The following TRPM3 variants were observed in gnomAD, a reference collection of about 807,000 sequenced individuals.
The protein encoded by TRPM3 is transient receptor potential cation channel subfamily M member 3.
Under a neutral mutation model 181.2 loss-of-function variants are expected in TRPM3, and 77 were observed. That is an observed-to-expected ratio of 0.42 (90% CI 0.35 to 0.51). TRPM3 has a LOEUF of 0.51. Ranked by LOEUF, TRPM3 falls within the 20% of genes least tolerant of loss-of-function variation. The probability of loss-of-function intolerance (pLI) is 0.01; values close to 1 mark genes in which losing one functional copy is unlikely to be tolerated. For synonymous variants in TRPM3, 745 were observed against 796.4 expected, an observed-to-expected ratio of 0.94 and a Z score of 1.09; for missense variants, 1,759 against 2,196.7, an observed-to-expected ratio of 0.80 and a Z score of 3.98.
intron 1 of TRPM3, among the ~76,000 whole-genome samples, chr9:71,009,526 A>C (rs1394739249): frequency 3.3e-5 from 5 of 152,192 alleles, no homozygotes; most frequent in Non-Finnish European, 1.5e-5. Flanking sequence ...TAAACAACCA[A>C]GGAGGTGAAA....
chr9:71,183,116 T>C (rs1256480599), intron 1 of TRPM3, among the ~76,000 whole-genome samples: 4 of 152,142 alleles, frequency 2.6e-5, no homozygotes, highest in African/African-American at 7.2e-5. Context: ...TTTTTGTATA[T>C]AGAAGAATGT....
intron 1 of TRPM3, among the ~76,000 whole-genome samples, chr9:71,420,110 A>C (rs1399177547): frequency 6.6e-6 from 1 of 151,954 alleles, no homozygotes; most frequent in East Asian, 1.9e-4. Context: ...AACCTTCTTA[A>C]ACATTAGCTA....
rs547192422 is a variant in TRPM3 at position 71,002,525 on chromosome 9, T to C, written c.177+118653A>G. Among the ~76,000 whole-genome samples the C allele has an allele frequency of 6.6e-5, 10 of 152,310 alleles. No individual in the cohort carries two copies. In the East Asian group the frequency reaches 1.5e-3, roughly 24 times the overall value. On this transcript the variant is annotated intron_variant, in intron 1 of 25. Coordinates refer to ENST00000677713, the MANE Select transcript of TRPM3 (RefSeq NM_001366145.2). Reference sequence around the variant, plus strand: ...TGTTCCTAAAACTTCATCCAGTATATTGATCATTTTTATCCTTTGACTCTT... The same window carrying C: ...TGTTCCTAAAACTTCATCCAGTATACTGATCATTTTTATCCTTTGACTCTT...
chr9:71,116,978 C>T (rs1488346253), intron 1 of TRPM3, among the ~76,000 whole-genome samples: 1 of 152,176 alleles, frequency 6.6e-6, no homozygotes, highest in South Asian at 2.1e-4. Flanking sequence ...CCTTTCTAGC[C>T]CGGGAAAGAG....
At chr9:70,679,687 T>C (rs920247955) in intron 9 of TRPM3, among the ~76,000 whole-genome samples, 6 of 152,180 alleles carry the variant, frequency 3.9e-5, no homozygotes, top group Non-Finnish European at 7.3e-5. Flanking sequence ...ATTTATAAAA[T>C]AGAGCCTGTA....
chr9:70,611,124 A>C (rs574372570), intron 18 of TRPM3, among the ~76,000 whole-genome samples: 1 of 152,338 alleles, frequency 6.6e-6, no homozygotes, highest in South Asian at 2.1e-4. Context: ...ATCATGAAAC[A>C]GGCTAGATCT....
At chr9:70,629,895 C>T (rs1013379344) in intron 12 of TRPM3, among the ~76,000 whole-genome samples, 10 of 152,100 alleles carry the variant, frequency 6.6e-5, no homozygotes, top group East Asian at 1.9e-4. Flanking sequence ...AAACCTTCTT[C>T]GGGAGGAAGA....
At position 70,846,591 on chromosome 9, in the gene TRPM3, A is replaced by C; in HGVS notation, c.463T>G (p.Tyr155Asp). The change falls in exon 4 of 26, where the codon TAT (tyrosine) becomes GAT (aspartate). Residue 155 changes from tyrosine (Y) to aspartate (D), a missense_variant and splice_region_variant. By Grantham distance (160) the Tyr-to-Asp change is radical. Coordinates refer to ENST00000677713, the MANE Select transcript of TRPM3 (RefSeq NM_001366145.2). Reference protein sequence around the residue: ...QGGGHSNKAMYVRVSFDTKPD... With the variant: ...QGGGHSNKAMDVRVSFDTKPD... ...TTTGTATCAAAAGATACTCGCACAT[A>C]CTGGAAGAAGAAAGGACATCAATTA... 6.2e-7 allele frequency: 1 copy of C among 1,613,792 alleles called. No individual in the cohort carries two copies. Among genetic ancestry groups the C allele is most frequent in the Non-Finnish European group, 8.5e-7 (1 of 1,179,668 alleles).
intron 8 of TRPM3, among the ~76,000 whole-genome samples, chr9:70,700,950 AC>A (rs1186993599): frequency 1.3e-5 from 2 of 152,218 alleles, no homozygotes; most frequent in Non-Finnish European, 2.9e-5. Context: ...TGACTTTTCC[AC>A]AAAGAACACT....
chr9:70,551,477 C>T (rs2046438571), intron 24 of TRPM3, among the ~76,000 whole-genome samples: 1 of 152,190 alleles, frequency 6.6e-6, no homozygotes, highest in African/African-American at 2.4e-5. Flanking sequence ...GAGCTGGCTC[C>T]CATCTAGCCC....
chr9:70,916,848 T>C, intron 1 of TRPM3: 1 of 557,572 alleles, frequency 1.8e-6, no homozygotes, highest in East Asian at 2.9e-5. Flanking sequence ...ATACATCTAC[T>C]GAACTGGCAA....
chr9:70,888,405 C>T (rs937646059), intron 1 of TRPM3, among the ~76,000 whole-genome samples: 9 of 112,434 alleles, frequency 8.0e-5, no homozygotes, highest in African/African-American at 1.2e-4. Flanking sequence ...GTGTGTGTTC[C>T]AATCCTAGAA....
chr9:71,330,947 G>C lies in TRPM3; in HGVS notation c.183+115706C>G, dbSNP rs568225994. Among the ~76,000 whole-genome samples the C allele has an allele frequency of 2.0e-5, 3 of 151,906 alleles. No individual in the cohort carries two copies. In the South Asian group the frequency reaches 6.2e-4, roughly 32 times the overall value. On this transcript the variant is annotated intron_variant, in intron 1 of 24. Transcript: ENST00000357533. The stretch of plus-strand genomic sequence containing the variant: ...CGTCTCCATTTGTTTTACAAGACTT[G>C]TCTGGGTCTCAAAAAACAGATTTTG...
chr9:71,216,932 CCTTT>C (rs1366562936), intron 1 of TRPM3, among the ~76,000 whole-genome samples: 8 of 141,444 alleles, frequency 5.7e-5, no homozygotes, highest in Non-Finnish European at 1.1e-4. Flanking sequence ...AGTCAGTGGC[CCTTT>C]CTTTTTTTTT....
chr9:70,875,839 A>G (rs1188279716), intron 1 of TRPM3, among the ~76,000 whole-genome samples: 1 of 151,980 alleles, frequency 6.6e-6, no homozygotes, highest in Non-Finnish European at 1.5e-5. Flanking sequence ...AGACAGATCC[A>G]GCAATATAAG....
intron 9 of TRPM3, among the ~76,000 whole-genome samples, chr9:70,664,657 T>TG (rs2061588990): frequency 7.2e-5 from 7 of 97,200 alleles, no homozygotes; most frequent in Admixed American, 3.9e-4. Context: ...TTTTTTTTTT[T>TG]TTTTTTTTTT....
intron 8 of TRPM3, among the ~76,000 whole-genome samples, chr9:70,753,515 G>A (rs922489349): frequency 6.6e-6 from 1 of 152,142 alleles, no homozygotes; most frequent in Non-Finnish European, 1.5e-5. Flanking sequence ...AGAAGCATCA[G>A]GCACATAGAA....
chr9:70,683,498 G>A (rs1466240791), intron 8 of TRPM3, among the ~76,000 whole-genome samples: 2 of 126,810 alleles, frequency 1.6e-5, no homozygotes, highest in Non-Finnish European at 3.1e-5. Flanking sequence ...GGCTGGTCCT[G>A]AACTCCTGGT....
At chr9:70,655,185 A>G (rs1193854719) in intron 9 of TRPM3, among the ~76,000 whole-genome samples, 2 of 150,778 alleles carry the variant, frequency 1.3e-5, no homozygotes, top group Non-Finnish European at 3.0e-5. Context: ...TCGTGCCTGT[A>G]ATCCCTGGTA....
Sources: allele counts gnomAD v4.1 joint callset (sites outside exome capture counted in the v4.1 genomes callset), GRCh38; gene constraint gnomAD v4.1.1; transcripts MANE v1.5; gene names NCBI Gene and HGNC (gene_info 2026-07-23, HGNC 2026-07-21).